BEND7: variants seen among roughly 807,000 people sequenced by gnomAD.
BEND7 encodes BEN domain-containing protein 7.
Under a neutral mutation model 50.9 loss-of-function variants are expected in BEND7, and 28 were observed. The ratio of observed to expected loss-of-function variants is 0.55; its 90% CI spans 0.41 to 0.75. The LOEUF is 0.75. Ranked by LOEUF, BEND7 falls within the 30% of genes least tolerant of loss-of-function variation. The pLI, the probability that BEND7 is intolerant of heterozygous loss-of-function variation, is 0.00. For synonymous variants in BEND7, 170 were observed against 183.9 expected, an observed-to-expected ratio of 0.92 and a Z score of 0.61; for missense variants, 477 against 491.3, an observed-to-expected ratio of 0.97 and a Z score of 0.28.
At chr10:13,509,680 G>A (rs903703822) in intron 2 of BEND7, among the ~76,000 whole-genome samples, 3 of 152,176 alleles carry the variant, frequency 2.0e-5, no homozygotes, top group South Asian at 2.1e-4. Context: ...GCATTTCCAC[G>A]CGCACTTTGG....
At chr10:13,445,040 G>C (rs1339003975) in intron 8 of BEND7, 1 of 152,036 alleles carries the variant, frequency 6.6e-6, no homozygotes, top group South Asian at 2.1e-4. Context: ...GGATGGTCTC[G>C]ATCTCCTGAC....
At chr10:13,463,777 A>G (rs1014891462) in intron 6 of BEND7, among the ~76,000 whole-genome samples, 8 of 152,376 alleles carry the variant, frequency 5.3e-5, no homozygotes, top group Admixed American at 3.9e-4. Flanking sequence ...ATTGTAGGCA[A>G]CGTCTTCACA....
At chr10:13,492,568 G>T in intron 5 of BEND7, 43 bp downstream of exon 5, 4 of 1,605,238 alleles carry the variant, frequency 2.5e-6, no homozygotes, top group Non-Finnish European at 3.4e-6. Context: ...ATTCCCAAAA[G>T]TTACATAGCA....
At chr10:13,468,482 A>G (rs1018875550) in intron 6 of BEND7, among the ~76,000 whole-genome samples, 1 of 152,212 alleles carries the variant, frequency 6.6e-6, no homozygotes, top group Non-Finnish European at 1.5e-5. Context: ...AATTCAAGTT[A>G]CGGAGTCTTG....
chr10:13,464,760 C>T (rs2074061115), intron 6 of BEND7, among the ~76,000 whole-genome samples: 1 of 152,184 alleles, frequency 6.6e-6, no homozygotes, highest in South Asian at 2.1e-4. Flanking sequence ...GTTCTTCAGT[C>T]TGTGAACAAA....
chr10:13,507,538 G>C (rs547408359), intron 2 of BEND7, among the ~76,000 whole-genome samples: 46 of 152,220 alleles, frequency 3.0e-4, no homozygotes, highest in Non-Finnish European at 6.0e-4. Context: ...ATGAAGGGGG[G>C]CTGGGTTCTT....
upstream of BEND7, among the ~76,000 whole-genome samples, chr10:13,529,407 C>G (rs1320840464): frequency 1.3e-5 from 2 of 152,234 alleles, no homozygotes; most frequent in African/African-American, 4.8e-5. Flanking sequence ...TGATTTTAAG[C>G]AAGTTTTAGG....
chr10:13,439,142 T>A, downstream of BEND7: 1 of 1,531,636 alleles, frequency 6.5e-7, no homozygotes, highest in Non-Finnish European at 8.9e-7. Flanking sequence ...AGATGGGTGA[T>A]ACACACACAC....
At position 13,481,133 on chromosome 10, in the gene BEND7, AG is replaced by A. The variant is rs1564325949; in HGVS notation, c.838-10del. ...GCAAGTTGTACTTCTGGCTACCAAAAGAACACAGATATTTCATTAAAAGCAA... is the reference window on the plus strand; with the variant it reads ...GCAAGTTGTACTTCTGGCTACCAAAAAACACAGATATTTCATTAAAAGCAA... On this transcript the variant is annotated splice_polypyrimidine_tract_variant and intron_variant, in intron 5 of 8. Coordinates refer to ENST00000466271, the MANE Select transcript of BEND7 (RefSeq NM_001369863.1). 6.2e-7 allele frequency: 1 copy of A among 1,612,884 alleles called. No homozygotes were observed. The highest frequency in any genetic ancestry group is 8.5e-7 in the Non-Finnish European group (1 of 1,179,266).
intron 7 of BEND7, among the ~76,000 whole-genome samples, chr10:13,447,978 G>C (rs1397109819): frequency 1.3e-5 from 2 of 152,210 alleles, no homozygotes; most frequent in African/African-American, 2.4e-5. Context: ...CCACTCCTGG[G>C]GGGCAGCTTA....
intron 8 of BEND7, 126 bp downstream of exon 8, chr10:13,447,140 T>G: frequency 1.1e-6 from 1 of 881,000 alleles, no homozygotes; most frequent in African/African-American, 1.9e-5. Flanking sequence ...TGACGGGGCC[T>G]GGTCCACTGC....
chr10:13,461,020 C>T (rs568414339), intron 6 of BEND7, among the ~76,000 whole-genome samples: 42 of 152,250 alleles, frequency 2.8e-4, no homozygotes, highest in African/African-American at 5.8e-4. Context: ...CAATTACACA[C>T]GCCGAGCACC....
chr10:13,467,415 C>G (rs964368846), intron 6 of BEND7, among the ~76,000 whole-genome samples: 7 of 152,200 alleles, frequency 4.6e-5, no homozygotes, highest in African/African-American at 1.7e-4. Context: ...TACACTTCAA[C>G]TTTTGAGGAT....
At chr10:13,488,015 C>A (rs1410905878) in intron 5 of BEND7, among the ~76,000 whole-genome samples, 4 of 150,626 alleles carry the variant, frequency 2.7e-5, no homozygotes, top group East Asian at 2.0e-4. Context: ...ATTGCTTGAA[C>A]CCTGGAGGTG....
rs7902755 is a variant in BEND7, at chr10:13,441,868, C to A, written c.1235-118G>T. 1.0e-6 allele frequency: 1 copy of A among 1,000,934 alleles called. No individual in the cohort carries two copies. The highest frequency in any genetic ancestry group is 1.5e-6 in the Non-Finnish European group (1 of 665,916). 62.0% of individuals were successfully genotyped at this position (1,000,934 alleles called of 1,614,324 possible). On this transcript the variant is annotated intron_variant, in intron 8 of 8. Coordinates refer to ENST00000466271, the MANE Select transcript of BEND7 (RefSeq NM_001369863.1). ...TCTCCAAACCTTCCTTGTAGCCCCC[C>A]AAAAGAAGAAAAAGAAGCCACACAT...
chr10:13,499,803 C>A lies in BEND7; in HGVS notation c.423G>T (p.Gln141His), dbSNP rs1194656070. ...YGTRSRTFQS[Q>H]PHPTTSSNGE... ...CATTGGAGCTCGTGGTAGGGTGGGG[C>A]TGGCTTTGGAAGGTTCTAGAACGGG... is the stretch of plus-strand genomic sequence containing the variant. Residue 141 changes from glutamine to histidine, a missense_variant, in exon 3 of 9, where the codon CAG becomes CAT. Transcript: ENST00000466271. 36 of 1,608,616 alleles carry A rather than the reference C, an allele frequency of 2.2e-5. No homozygotes were observed. The highest frequency in any genetic ancestry group is 2.8e-5 in the Non-Finnish European group (33 of 1,175,716).
At chr10:13,498,071 C>CTTT (rs67255529) in intron 3 of BEND7, among the ~76,000 whole-genome samples, 42 of 109,842 alleles carry the variant, frequency 3.8e-4, no homozygotes, top group African/African-American at 6.1e-4. Context: ...ATTTCTTTTT[C>CTTT]TTTTTTTTTT....
chr10:13,451,730 AG>A (rs1837767283), intron 7 of BEND7, among the ~76,000 whole-genome samples: 1 of 150,170 alleles, frequency 6.7e-6, no homozygotes, highest in Non-Finnish European at 1.5e-5. Context: ...ATTTAACATT[AG>A]TTATATCCCC....
intron 2 of BEND7, among the ~76,000 whole-genome samples, chr10:13,512,333 T>C (rs1430101892): frequency 1.3e-5 from 2 of 152,100 alleles, no homozygotes; most frequent in African/African-American, 4.8e-5. Flanking sequence ...AAGCCAAAGA[T>C]GAAAACTTCA....
Sources: allele counts gnomAD v4.1 joint callset (sites outside exome capture counted in the v4.1 genomes callset), GRCh38; gene constraint gnomAD v4.1.1; transcripts MANE v1.5; gene names NCBI Gene and HGNC (gene_info 2026-07-23, HGNC 2026-07-21).